The following SLC35F6 variants were observed in gnomAD, a reference collection of about 807,000 sequenced individuals.
SLC35F6 encodes solute carrier family 35 member F6, also known as ANT2-binding protein.
A neutral mutation model predicts 29.4 loss-of-function variants in SLC35F6; 26 were observed. The ratio of observed to expected loss-of-function variants is 0.89; its 90% CI spans 0.65 to 1.23. SLC35F6 has a LOEUF of 1.23. SLC35F6 is among the 50% of genes most tolerant of loss of function. The pLI, the probability that SLC35F6 is intolerant of heterozygous loss-of-function variation, is 0.00. For synonymous variants in SLC35F6, 174 were observed against 206.6 expected (o/e 0.84, Z 1.35); for missense variants, 428 against 487.8 (o/e 0.88, Z 1.15).
At chr2:26,767,432 G>A (rs544835454) in intron 1 of SLC35F6, among the ~76,000 whole-genome samples, 1 of 152,370 alleles carries the variant, frequency 6.6e-6, no homozygotes, top group African/African-American at 2.4e-5. Flanking sequence ...GAGGATGAAA[G>A]GCAGTGGATG....
At chr2:26,767,232 G>A (rs1664111092) in intron 1 of SLC35F6, among the ~76,000 whole-genome samples, 1 of 152,180 alleles carries the variant, frequency 6.6e-6, no homozygotes, top group Non-Finnish European at 1.5e-5. Context: ...AGTGGCATCT[G>A]CGCTCCCAGC....
chr2:26,765,579 G>A (rs1413345470), intron 1 of SLC35F6, among the ~76,000 whole-genome samples: 1 of 152,204 alleles, frequency 6.6e-6, no homozygotes, highest in Admixed American at 6.5e-5. Flanking sequence ...ACCAAGAGGC[G>A]ATCTCTGCCT....
intron 2 of SLC35F6, 51 bp downstream of exon 2, chr2:26,774,374 C>T (rs769095314): frequency 1.1e-4 from 181 of 1,600,558 alleles, no homozygotes; most frequent in Admixed American, 5.1e-5. Flanking sequence ...TCAGACCAGG[C>T]GCCACCCCCG....
At chr2:26,776,233 G>C (rs1345723575) in intron 4 of SLC35F6, 139 bp from the exon 5 acceptor site, 3 of 685,496 alleles carry the variant, frequency 4.4e-6, no homozygotes, top group Non-Finnish European at 7.5e-6. Context: ...TCAGGGACAG[G>C]CAGTGGTGAC....
chr2:26,765,556 G>T (rs970246846), intron 1 of SLC35F6, among the ~76,000 whole-genome samples: 1 of 152,242 alleles, frequency 6.6e-6, no homozygotes, highest in Non-Finnish European at 1.5e-5. Context: ...TGTAAGGGAA[G>T]GGGACAGAAG....
intron 1 of SLC35F6, 76 bp downstream of exon 1, chr2:26,764,502 C>T: frequency 6.6e-7 from 1 of 1,514,028 alleles, no homozygotes; most frequent in Non-Finnish European, 9.0e-7. Flanking sequence ...CTTCTTGGCC[C>T]TGCCCTCCTG....
intron 1 of SLC35F6, among the ~76,000 whole-genome samples, chr2:26,770,532 A>G (rs1664178883): frequency 6.6e-6 from 1 of 152,188 alleles, no homozygotes; most frequent in Non-Finnish European, 1.5e-5. Context: ...ATCCTGGCCA[A>G]CATGGTGAAA....
At chr2:26,765,296 G>A (rs1664077161) in intron 1 of SLC35F6, among the ~76,000 whole-genome samples, 1 of 152,214 alleles carries the variant, frequency 6.6e-6, no homozygotes. Context: ...AGACAGAGAG[G>A]GCAAGTGGCC....
Position 26,779,718 on chromosome 2 carries a change from A to G in SLC35F6, c.*1207A>G, listed in dbSNP as rs1664373535. 1 of 151,044 alleles carries G rather than the reference A, an allele frequency of 6.6e-6. No individual in the cohort carries two copies. Among genetic ancestry groups the G allele is most frequent in the African/African-American group, 2.4e-5 (1 of 40,986 alleles). The allele number at this position is 151,044 out of a possible 1,614,324, so 9.4% of individuals were successfully genotyped here. On this transcript the variant is annotated 3_prime_UTR_variant, in exon 6 of 6. Coordinates refer to ENST00000344420, the MANE Select transcript of SLC35F6 (RefSeq NM_017877.4). ...TCTTTAATAGAGACGGGGTTTTGCCATGTTGGCCAGGATGGTCTCAATCTC... is the reference window on the plus strand; with the variant it reads ...TCTTTAATAGAGACGGGGTTTTGCCGTGTTGGCCAGGATGGTCTCAATCTC...
intron 1 of SLC35F6, among the ~76,000 whole-genome samples, chr2:26,770,097 A>G (rs112215800): frequency 1.3e-5 from 2 of 152,160 alleles, no homozygotes; most frequent in South Asian, 2.1e-4. Flanking sequence ...GAAGTGTCCT[A>G]TGAATTGTGC....
Position 26,775,229 on chromosome 2 carries a change from C to T in SLC35F6, c.322+14C>T, listed in dbSNP as rs1229794814. On this transcript the variant is annotated intron_variant, in intron 3 of 5. Coordinates refer to ENST00000344420, the MANE Select transcript of SLC35F6 (RefSeq NM_017877.4). This position sits in a 1 kb window ranked among gnomAD's most constrained non-coding sequence, Gnocchi z 4.6. ...TCATGTATGTGGGTGAGTAACCAGGCCAGGCTGAGAAGGGCTCAGGGGAAG... is the reference window on the plus strand; with the variant it reads ...TCATGTATGTGGGTGAGTAACCAGGTCAGGCTGAGAAGGGCTCAGGGGAAG... 4 of 1,609,722 alleles carry T rather than the reference C, an allele frequency of 2.5e-6. No individual in the cohort carries two copies. Among genetic ancestry groups the T allele is most frequent in the Non-Finnish European group, 1.7e-6 (2 of 1,177,122 alleles).
chr2:26,774,184 G>GT (rs768666712), intron 1 of SLC35F6, 67 bp from the exon 2 acceptor site: 105 of 1,593,712 alleles, frequency 6.6e-5, no homozygotes, highest in Non-Finnish European at 8.7e-5. Flanking sequence ...ATTGAGAGGT[G>GT]TGAGCCTCTT....
At chr2:26,774,359 G>T (rs373059645) in intron 2 of SLC35F6, 36 bp downstream of exon 2, 2 of 1,611,674 alleles carry the variant, frequency 1.2e-6, no homozygotes, top group South Asian at 1.1e-5. Context: ...CCTGTCTCCC[G>T]GGCCTCAGAC....
intron 1 of SLC35F6, 47 bp downstream of exon 1, chr2:26,764,473 C>T (rs374067101): frequency 5.8e-6 from 9 of 1,545,408 alleles, no homozygotes; most frequent in Admixed American, 3.9e-5. Flanking sequence ...GACCCCGGCG[C>T]TCGTTCTACG....
chr2:26,770,996 C>T (rs1446956486), intron 1 of SLC35F6, among the ~76,000 whole-genome samples: 2 of 152,256 alleles, frequency 1.3e-5, no homozygotes, highest in East Asian at 1.9e-4. Flanking sequence ...TGCTGACACC[C>T]AATCCCTTGG....
At position 26,764,382 on chromosome 2, in the gene SLC35F6, C is replaced by T. The variant is rs1267285464; in HGVS notation, c.33C>T (p.Ala11=). 1 of 1,551,048 alleles carries T rather than the reference C, an allele frequency of 6.4e-7. No homozygotes were observed. Among genetic ancestry groups the T allele is most frequent in the Admixed American group, 2.0e-5 (1 of 51,010 alleles). Reference sequence around the variant, plus strand: ...GGACCAAGTACCAGCTGTTCCTGGCCGGGCTCATGCTTGTTACCGGCTCCA... The same window carrying T: ...GGACCAAGTACCAGCTGTTCCTGGCTGGGCTCATGCTTGTTACCGGCTCCA... MAWTKYQLFL[A]GLMLVTGSIN... is the part of the protein sequence containing the mutation. The change falls in exon 1 of 6, where the codon GCC becomes GCT. Residue 11 remains alanine, a synonymous_variant. Transcript: ENST00000344420.
intron 1 of SLC35F6, chr2:26,764,846 C>G (rs1285135626): frequency 1.9e-5 from 19 of 985,208 alleles, no homozygotes; most frequent in Non-Finnish European, 1.6e-5. Context: ...AAGCGGCAGA[C>G]AGGGAGGTGC....
At chr2:26,772,791 C>T (rs1664221634) in intron 1 of SLC35F6, among the ~76,000 whole-genome samples, 1 of 152,142 alleles carries the variant, frequency 6.6e-6, no homozygotes, top group Non-Finnish European at 1.5e-5. Context: ...CTAACCAAGC[C>T]CAGCAAAGAC....
chr2:26,772,714 G>A (rs1664220537), intron 1 of SLC35F6, among the ~76,000 whole-genome samples: 1 of 152,178 alleles, frequency 6.6e-6, no homozygotes, highest in African/African-American at 2.4e-5. Context: ...AGATTCAGAA[G>A]AAGGTCAACA....
Sources: gnomAD v4.1 joint callset for allele counts (sites outside exome capture counted in the v4.1 genomes callset) on GRCh38, gnomAD v4.1.1 for gene constraint, Gnocchi (gnomAD v3.1) non-coding constraint, MANE v1.5 for transcripts, NCBI Gene and HGNC (gene_info 2026-07-23, HGNC 2026-07-21) for gene names.